The following GLT8D2 variants were observed in gnomAD, a reference collection of about 807,000 sequenced individuals.
The protein encoded by GLT8D2 is glycosyltransferase 8 domain containing 2.
A neutral mutation model predicts 44.5 loss-of-function variants in GLT8D2; 45 were observed. That is an observed-to-expected ratio of 1.01 (90% CI 0.80 to 1.30). The LOEUF (loss-of-function observed/expected upper bound fraction) is 1.30. Among genes scored for constraint, GLT8D2 ranks in the 50% most tolerant of loss-of-function variants. The pLI, the probability that GLT8D2 is intolerant of heterozygous loss-of-function variation, is 0.00. For synonymous variants in GLT8D2, 156 were observed against 157.2 expected, an observed-to-expected ratio of 0.99 and a Z score of 0.06; for missense variants, 400 against 430.4, an observed-to-expected ratio of 0.93 and a Z score of 0.62.
At chr12:104,029,093 C>T (rs1362050126) in intron 1 of GLT8D2, among the ~76,000 whole-genome samples, 3 of 152,092 alleles carry the variant, frequency 2.0e-5, no homozygotes, top group Non-Finnish European at 2.9e-5. Flanking sequence ...AGATCGAGAC[C>T]ATCCTGGCCA....
At chr12:104,009,093 G>C (rs918194332) in intron 4 of GLT8D2, among the ~76,000 whole-genome samples, 3 of 152,234 alleles carry the variant, frequency 2.0e-5, no homozygotes, top group African/African-American at 7.2e-5. Context: ...CTGCCTAGTG[G>C]AGCTGTGAGA....
At chr12:104,060,970 C>T (rs1046588390) in intron 1 of GLT8D2, among the ~76,000 whole-genome samples, 5 of 151,794 alleles carry the variant, frequency 3.3e-5, no homozygotes, top group East Asian at 1.9e-4. Flanking sequence ...GAGAACACCA[C>T]GTGATGATGT....
At chr12:104,032,235 T>C (rs1209209067) in intron 1 of GLT8D2, among the ~76,000 whole-genome samples, 1 of 151,202 alleles carries the variant, frequency 6.6e-6, no homozygotes, top group Non-Finnish European at 1.5e-5. Context: ...TAGGATCAGC[T>C]CCTTGACCTC....
intron 10 of GLT8D2, among the ~76,000 whole-genome samples, chr12:103,991,808 C>A (rs1872767045): frequency 7.2e-6 from 1 of 139,280 alleles, no homozygotes; most frequent in Admixed American, 7.6e-5. Flanking sequence ...ACTCAGCCTC[C>A]ACAATTACGT....
At chr12:104,035,354 T>C (rs1168295669) in intron 1 of GLT8D2, among the ~76,000 whole-genome samples, 1 of 152,162 alleles carries the variant, frequency 6.6e-6, no homozygotes, top group African/African-American at 2.4e-5. Flanking sequence ...AGAAGGTTGG[T>C]AATAACAAAC....
intron 1 of GLT8D2, among the ~76,000 whole-genome samples, chr12:104,025,067 C>T (rs1477878144): frequency 1.5e-5 from 1 of 67,212 alleles, no homozygotes; most frequent in Non-Finnish European, 3.0e-5. Context: ...GAGACTTTGT[C>T]AAAAAAAAAA....
intron 4 of GLT8D2, among the ~76,000 whole-genome samples, chr12:104,006,264 T>C (rs536431426): frequency 6.6e-6 from 1 of 151,612 alleles, no homozygotes; most frequent in Non-Finnish European, 1.5e-5. Flanking sequence ...CATTAGGAGA[T>C]ATACCTGATG....
At chr12:104,054,340 A>C (rs1424659481), upstream of GLT8D2, among the ~76,000 whole-genome samples, 1 of 152,110 alleles carries the variant, frequency 6.6e-6, no homozygotes, top group East Asian at 1.9e-4. Flanking sequence ...CAAAAATAGC[A>C]GGATTTCCTT....
chr12:104,025,253 G>A (rs1380329011), intron 1 of GLT8D2, among the ~76,000 whole-genome samples: 1 of 151,290 alleles, frequency 6.6e-6, no homozygotes, highest in Non-Finnish European at 1.5e-5. Context: ...CCATCACCCA[G>A]GCTCAAGTAC....
intron 5 of GLT8D2, 115 bp downstream of exon 5, chr12:104,003,020 G>A: frequency 4.1e-6 from 3 of 728,672 alleles, no homozygotes; most frequent in Non-Finnish European, 6.9e-6. Context: ...AAGAGAGAAA[G>A]GGAGAGAAGG....
At chr12:104,036,303 C>T (rs182418469) in intron 1 of GLT8D2, among the ~76,000 whole-genome samples, 1 of 152,300 alleles carries the variant, frequency 6.6e-6, no homozygotes, top group East Asian at 1.9e-4. Flanking sequence ...CAAATTCACA[C>T]ATAACAATAT....
chr12:104,006,071 A>C (rs561369998), intron 4 of GLT8D2, among the ~76,000 whole-genome samples: 1 of 152,308 alleles, frequency 6.6e-6, no homozygotes, highest in South Asian at 2.1e-4. Context: ...GGATGAGTTC[A>C]TGTCCTTTGT....
In GLT8D2 at chr12:104,021,933, GAAGAAGAA is replaced by G. The variant is rs1566202433; in HGVS notation, c.-163-450_-163-443del. Among the ~76,000 whole-genome samples the G allele has an allele frequency of 4.5e-3, 113 of 24,856 alleles. 4 individuals carry two copies. Among genetic ancestry groups the G allele is most frequent in the Non-Finnish European group, 5.5e-3 (71 of 12,830 alleles). 16.3% of individuals were successfully genotyped at this position (24,856 alleles called of 152,430 possible). On this transcript the variant is annotated intron_variant, in intron 1 of 10. Coordinates refer to ENST00000360814, the MANE Select transcript of GLT8D2 (RefSeq NM_001384711.1). ...AGAAGAAGAAGAAGAAGAAGAAGAA[GAAGAAGAA>G]GAAGAAGAAGAAGAGGAAGAAGAGG...
chr12:104,008,001 C>T (rs1362804388), intron 4 of GLT8D2, among the ~76,000 whole-genome samples: 3 of 152,164 alleles, frequency 2.0e-5, no homozygotes, highest in East Asian at 1.9e-4. Flanking sequence ...ACTGTAAGTC[C>T]GATTAAAACT....
chr12:104,025,726 G>C (rs1878492234), intron 1 of GLT8D2, among the ~76,000 whole-genome samples: 1 of 152,126 alleles, frequency 6.6e-6, no homozygotes. Flanking sequence ...CATTTGTTGA[G>C]AAAGCCATTT....
chr12:104,002,012 G>A (rs949829054), intron 5 of GLT8D2, among the ~76,000 whole-genome samples: 1 of 152,156 alleles, frequency 6.6e-6, no homozygotes, highest in Non-Finnish European at 1.5e-5. Context: ...GTCTCACTCT[G>A]TTGCCCAGGC....
intron 10 of GLT8D2, among the ~76,000 whole-genome samples, chr12:103,989,802 T>G (rs1872489586): frequency 1.3e-5 from 2 of 152,130 alleles, no homozygotes; most frequent in South Asian, 2.1e-4. Context: ...ATATGTATAT[T>G]TAAAGACAGA....
chr12:104,054,240 T>C (rs995119110), upstream of GLT8D2, among the ~76,000 whole-genome samples: 11 of 152,140 alleles, frequency 7.2e-5, no homozygotes, highest in Non-Finnish European at 1.6e-4. Context: ...CTTTCTTAGA[T>C]TACAAATATA....
intron 1 of GLT8D2, chr12:104,030,856 C>G: frequency 6.4e-7 from 1 of 1,574,522 alleles, no homozygotes; most frequent in Middle Eastern, 2.3e-4. Context: ...GCGGCTGGTA[C>G]GACGCCGACC....
Sources: gnomAD v4.1 joint callset for allele counts (sites outside exome capture counted in the v4.1 genomes callset) on GRCh38, gnomAD v4.1.1 for gene constraint, MANE v1.5 for transcripts, NCBI Gene and HGNC (gene_info 2026-07-23, HGNC 2026-07-21) for gene names.